RAD51B: variants seen among roughly 807,000 people sequenced by gnomAD.
RAD51B encodes RAD51 paralog B.
Under a neutral mutation model 42.2 loss-of-function variants are expected in RAD51B, and 38 were observed. That is an observed-to-expected ratio of 0.90 (90% CI 0.70 to 1.18). The LOEUF is 1.18. Among genes scored for constraint, RAD51B ranks in the 50% most tolerant of loss-of-function variants. RAD51B has a pLI of 0.00. For missense variants in RAD51B, 373 were observed against 400.7 expected (o/e 0.93, Z 0.59); for synonymous variants, 154 against 145.2 (o/e 1.06, Z -0.43).
At position 68,432,586 on chromosome 14, in the gene RAD51B, T is replaced by G. The variant is rs552280975; in HGVS notation, c.957+21059T>G. On this transcript the variant is annotated intron_variant, in intron 9 of 10. Transcript: ENST00000471583. The stretch of plus-strand genomic sequence containing the variant: ...CTAGGATTGCAACTCCTGCCTTTTT[T>G]TGTTTTCCATTTGCTTGGTAGATCT... Among the ~76,000 whole-genome samples, 7 of 152,338 alleles carry G rather than the reference T, an allele frequency of 4.6e-5. No homozygotes were observed. In the East Asian group the frequency reaches 9.6e-4, roughly 21 times the overall value.
At chr14:68,142,141 GT>G (rs146628652) in intron 7 of RAD51B, among the ~76,000 whole-genome samples, 2,320 of 148,500 alleles carry the variant, frequency 0.016, 49 homozygotes, top group African/African-American at 0.047. Context: ...TTAATGAAGT[GT>G]TTTTTTTTTA....
intron 10 of RAD51B, among the ~76,000 whole-genome samples, chr14:68,607,385 A>C (rs898088183): frequency 6.6e-6 from 1 of 152,162 alleles, no homozygotes; most frequent in African/African-American, 2.4e-5. Context: ...GGCAAACAAC[A>C]ACAATGCCAG....
intron 8 of RAD51B, among the ~76,000 whole-genome samples, chr14:68,372,607 C>G (rs748476473): frequency 6.6e-6 from 1 of 152,054 alleles, no homozygotes. Flanking sequence ...AGCAGGATTC[C>G]TGGAGAGAAA....
intron 10 of RAD51B, among the ~76,000 whole-genome samples, chr14:68,532,619 T>A (rs1254462382): frequency 6.6e-6 from 1 of 152,174 alleles, no homozygotes; most frequent in Non-Finnish European, 1.5e-5. Flanking sequence ...CAAAAAACAT[T>A]GGGCATAGGT....
intron 7 of RAD51B, among the ~76,000 whole-genome samples, chr14:67,949,977 C>T (rs1490750211): frequency 6.6e-6 from 1 of 152,152 alleles, no homozygotes; most frequent in Admixed American, 6.5e-5. Context: ...ATGCTATAAA[C>T]AGATGTCCTG....
intron 8 of RAD51B, chr14:68,339,613 T>C (rs965884166): frequency 4.3e-6 from 1 of 230,788 alleles, no homozygotes; most frequent in African/African-American, 2.3e-5. Context: ...ATTTCAGTTT[T>C]ATTGATGATA....
chr14:68,013,130 C>A (rs535232518), intron 7 of RAD51B, among the ~76,000 whole-genome samples: 2 of 152,252 alleles, frequency 1.3e-5, no homozygotes, highest in African/African-American at 4.8e-5. Flanking sequence ...ATCATTCATT[C>A]ATTTATATGT....
At chr14:68,493,731 C>G (rs1022977870) in intron 10 of RAD51B, among the ~76,000 whole-genome samples, 1 of 152,182 alleles carries the variant, frequency 6.6e-6, no homozygotes, top group African/African-American at 2.4e-5. Context: ...AAAGCATATC[C>G]ATAAATCTCC....
chr14:67,966,308 A>G (rs1366697822), intron 7 of RAD51B, among the ~76,000 whole-genome samples: 1 of 152,174 alleles, frequency 6.6e-6, no homozygotes, highest in Non-Finnish European at 1.5e-5. Flanking sequence ...AAAGAGGGAA[A>G]TAGCAGCTCT....
At chr14:68,628,601 A>G (rs549596076) in intron 10 of RAD51B, among the ~76,000 whole-genome samples, 203 of 150,704 alleles carry the variant, frequency 1.3e-3, no homozygotes, top group Non-Finnish European at 2.2e-3. Context: ...CGAGGGGCGA[A>G]GGGGGCTGGG....
At chr14:68,320,554 A>C in intron 8 of RAD51B, among the ~76,000 whole-genome samples, 1 of 152,248 alleles carries the variant, frequency 6.6e-6, no homozygotes, top group East Asian at 1.9e-4. Flanking sequence ...ACTGCCTGCC[A>C]AAGGCAAGGG....
intron 7 of RAD51B, among the ~76,000 whole-genome samples, chr14:68,257,489 T>C (rs186103094): frequency 6.4e-4 from 98 of 152,262 alleles, no homozygotes; most frequent in Non-Finnish European, 1.1e-3. Flanking sequence ...CTGTGACATG[T>C]GTAGTATACT....
chr14:67,847,895 C>A (rs918055261), intron 4 of RAD51B, among the ~76,000 whole-genome samples: 1 of 150,970 alleles, frequency 6.6e-6, no homozygotes, highest in Non-Finnish European at 1.5e-5. Flanking sequence ...AGCCCCCCCC[C>A]ATTTTTGTGT....
intron 8 of RAD51B, among the ~76,000 whole-genome samples, chr14:68,397,474 T>G (rs1285935578): frequency 6.6e-6 from 1 of 152,256 alleles, no homozygotes; most frequent in Non-Finnish European, 1.5e-5. Context: ...GATTGGGACA[T>G]GCTTGTGAAG....
chr14:68,551,040 C>A (rs1449239885), intron 10 of RAD51B, among the ~76,000 whole-genome samples: 1 of 152,078 alleles, frequency 6.6e-6, no homozygotes, highest in African/African-American at 2.4e-5. Context: ...TATAAAATTC[C>A]CATGATCCCC....
chr14:67,935,630 G>A (rs548689335), intron 7 of RAD51B, among the ~76,000 whole-genome samples: 1 of 152,230 alleles, frequency 6.6e-6, no homozygotes, highest in Non-Finnish European at 1.5e-5. Flanking sequence ...GCCTCCCAAA[G>A]TGTTGGGATT....
intron 9 of RAD51B, among the ~76,000 whole-genome samples, chr14:68,464,923 G>A (rs76474367): frequency 8.5e-5 from 13 of 152,168 alleles, no homozygotes; most frequent in Non-Finnish European, 1.8e-4. Flanking sequence ...TTTGATTTCC[G>A]GCAGAGAGGT....
chr14:68,362,372 T>C (rs955183708), intron 8 of RAD51B, among the ~76,000 whole-genome samples: 19 of 152,242 alleles, frequency 1.2e-4, no homozygotes, highest in Admixed American at 1.2e-3. Flanking sequence ...TTTCATATAT[T>C]AATTCATTAT....
chr14:68,337,964 G>GT (rs772123727), intron 8 of RAD51B, among the ~76,000 whole-genome samples: 124 of 150,958 alleles, frequency 8.2e-4, no homozygotes, highest in Middle Eastern at 3.4e-3. Context: ...GTTTTGTTTT[G>GT]TTTTGTTTTA....
Sources: allele counts gnomAD v4.1 joint callset (sites outside exome capture counted in the v4.1 genomes callset), GRCh38; gene constraint gnomAD v4.1.1; transcripts MANE v1.5; gene names NCBI Gene and HGNC (gene_info 2026-07-23, HGNC 2026-07-21).